The following REPS2 variants were observed in gnomAD, a reference collection of about 807,000 sequenced individuals.
REPS2 encodes ralBP1-associated Eps domain-containing protein 2.
In REPS2, 23 loss-of-function variants were observed where a neutral mutation model predicts 53.6. That is an observed-to-expected ratio of 0.43 (90% CI 0.31 to 0.61). The LOEUF (loss-of-function observed/expected upper bound fraction) is 0.61, where lower values mean the gene tolerates loss of function less well. Ranked by LOEUF, REPS2 falls within the 20% of genes least tolerant of loss-of-function variation. The pLI is 0.11. For synonymous variants in REPS2, 238 were observed against 218.6 expected (o/e 1.09, Z -0.78); for missense variants, 446 against 534.9 (o/e 0.83, Z 1.64).
chrX:17,090,753 G>A (rs1256659040), intron 13 of REPS2, among the ~76,000 whole-genome samples: 1 of 112,297 alleles, frequency 8.9e-6, no homozygotes, highest in African/African-American at 3.2e-5. Flanking sequence ...AAAGTGTAAT[G>A]TTAAATTTTT....
At chrX:17,009,496 G>A (rs1441269278) in intron 2 of REPS2, among the ~76,000 whole-genome samples, 2 of 110,678 alleles carry the variant, frequency 1.8e-5, no homozygotes, top group Non-Finnish European at 3.8e-5. Flanking sequence ...GTGTGATCAC[G>A]GCTTGTTACA....
chrX:17,173,743 T>C, the REPS2 span, among the ~76,000 whole-genome samples: 2 of 112,364 alleles, frequency 1.8e-5, no homozygotes, highest in Non-Finnish European at 3.8e-5. Context: ...ATTTTTGTCA[T>C]TTTAAATAAA....
intron 1 of REPS2, among the ~76,000 whole-genome samples, chrX:16,961,188 T>C (rs2147635781): frequency 8.9e-6 from 1 of 112,235 alleles, no homozygotes; most frequent in East Asian, 2.8e-4. Context: ...TCACACTTCC[T>C]TAGATTATAA....
At chrX:17,007,318 A>G (rs1047968695) in intron 2 of REPS2, among the ~76,000 whole-genome samples, 1 of 112,288 alleles carries the variant, frequency 8.9e-6, no homozygotes, top group African/African-American at 3.2e-5. Flanking sequence ...GCTAATCTTT[A>G]TCAGGGGGCT....
chrX:17,012,335 C>T (rs1386903002), intron 2 of REPS2, among the ~76,000 whole-genome samples: 10 of 110,009 alleles, frequency 9.1e-5, no homozygotes, highest in African/African-American at 2.0e-4. Context: ...GCCAAGATCA[C>T]GCCATTGCAC....
chrX:16,972,826 T>C (rs1196587112), intron 1 of REPS2, among the ~76,000 whole-genome samples: 1 of 111,703 alleles, frequency 9.0e-6, no homozygotes, highest in Admixed American at 9.5e-5. Flanking sequence ...TAGCATTCCT[T>C]TATATTCCTC....
In REPS2 at chrX:17,091,030, T is replaced by C. The variant is rs992458707; in HGVS notation, c.1517-12688T>C. 4.0e-4 allele frequency among the ~76,000 whole-genome samples: 45 copies of C among 112,227 alleles called. 2 individuals carry two copies. Among genetic ancestry groups the C allele is most frequent in the Non-Finnish European group, 3.8e-5 (2 of 53,249 alleles). On this transcript the variant is annotated intron_variant, in intron 13 of 17. Coordinates refer to ENST00000357277, the MANE Select transcript of REPS2 (RefSeq NM_004726.3). Reference sequence around the variant, plus strand: ...GCACCTTTGTTGAGAATCACTTGTCTGTTAAATATAAGGGCTTATTTTTGG... The same window carrying C: ...GCACCTTTGTTGAGAATCACTTGTCCGTTAAATATAAGGGCTTATTTTTGG...
chrX:16,987,892 A>G (rs1315851093), intron 1 of REPS2, among the ~76,000 whole-genome samples: 1 of 111,768 alleles, frequency 8.9e-6, no homozygotes, highest in African/African-American at 3.3e-5. Context: ...CAAGGCAAGG[A>G]TGTCTATTCT....
At chrX:17,094,851 GC>G (rs1159571374) in intron 13 of REPS2, among the ~76,000 whole-genome samples, 1 of 109,287 alleles carries the variant, frequency 9.2e-6, no homozygotes, top group African/African-American at 3.4e-5. Flanking sequence ...TAAGGGTATA[GC>G]TTTTTTTTTC....
intron 14 of REPS2, among the ~76,000 whole-genome samples, chrX:17,131,393 T>C (rs756074238): frequency 9.0e-6 from 1 of 111,369 alleles, no homozygotes; most frequent in South Asian, 3.8e-4. Context: ...GTTAGCGCCC[T>C]TGGGAACTAG....
chrX:17,156,273 A>C (rs2148197526), downstream of REPS2, among the ~76,000 whole-genome samples: 1 of 111,196 alleles, frequency 9.0e-6, no homozygotes, highest in South Asian at 3.8e-4. Context: ...TTTGCCCTGA[A>C]ATCCTCTTAG....
chrX:16,968,298 C>A (rs767384433), intron 1 of REPS2, among the ~76,000 whole-genome samples: 1 of 112,099 alleles, frequency 8.9e-6, no homozygotes, highest in Non-Finnish European at 1.9e-5. Context: ...ACCTTTCCCC[C>A]CTTTCTATTC....
chrX:17,177,355 A>G, the REPS2 span, among the ~76,000 whole-genome samples: 2 of 112,168 alleles, frequency 1.8e-5, no homozygotes, highest in Non-Finnish European at 3.8e-5. Context: ...CTTTTCAGAA[A>G]CACGAGGGCC....
chrX:17,174,437 G>T, the REPS2 span, among the ~76,000 whole-genome samples: 1 of 111,821 alleles, frequency 8.9e-6, no homozygotes, highest in Non-Finnish European at 1.9e-5. Context: ...ATTGGTCAGG[G>T]TCGTGGCCTG....
intron 5 of REPS2, among the ~76,000 whole-genome samples, chrX:17,039,536 G>A (rs1375301088): frequency 3.6e-5 from 4 of 112,174 alleles, no homozygotes; most frequent in Non-Finnish European, 7.5e-5. Flanking sequence ...GGGGAGGAAG[G>A]TGTAATACAG....
intron 14 of REPS2, among the ~76,000 whole-genome samples, chrX:17,115,212 A>G (rs1467436554): frequency 8.9e-5 from 10 of 112,207 alleles, no homozygotes; most frequent in African/African-American, 2.9e-4. Flanking sequence ...TTTCTCAGAG[A>G]GGGGGATGTG....
the REPS2 span, among the ~76,000 whole-genome samples, chrX:17,192,516 T>C: frequency 9.0e-6 from 1 of 111,365 alleles, no homozygotes; most frequent in African/African-American, 3.3e-5. Flanking sequence ...TGTCCACAGA[T>C]CCACAGATGA....
At chrX:16,956,003 C>T (rs1346305870) in intron 1 of REPS2, among the ~76,000 whole-genome samples, 4 of 111,928 alleles carry the variant, frequency 3.6e-5, no homozygotes, top group Non-Finnish European at 5.6e-5. Context: ...AAATATGTAA[C>T]TTCTTAGGTA....
chrX:17,074,231 C>A, intron 12 of REPS2, 72 bp downstream of exon 12: 3 of 948,302 alleles, frequency 3.2e-6, no homozygotes, highest in Non-Finnish European at 4.5e-6. Context: ...AACCACAAAC[C>A]AAAACCCAAC....
Sources: allele counts gnomAD v4.1 joint callset (sites outside exome capture counted in the v4.1 genomes callset), GRCh38; gene constraint gnomAD v4.1.1; transcripts MANE v1.5; gene names NCBI Gene and HGNC (gene_info 2026-07-23, HGNC 2026-07-21).